Variants in DACH1 observed in about 807,000 individuals in gnomAD.
DACH1 encodes dachshund homolog 1.
DACH1 carries 12 observed loss-of-function variants against 54.2 expected under a neutral mutation model. The observed-to-expected ratio is 0.22, with a 90% CI of 0.14 to 0.36. DACH1 has a LOEUF of 0.36. Among genes scored for constraint, DACH1 ranks in the 10% least tolerant of loss-of-function variants. DACH1 has a pLI of 1.00. For synonymous variants in DACH1, 386 were observed against 366.2 expected (o/e 1.05, Z -0.62); for missense variants, 805 against 929.8 (o/e 0.87, Z 1.75).
intron 1 of DACH1, among the ~76,000 whole-genome samples, chr13:71,695,998 T>C (rs1456626218): frequency 6.6e-6 from 1 of 152,110 alleles, no homozygotes; most frequent in African/African-American, 2.4e-5. Flanking sequence ...ATTTAATAGG[T>C]TTTTATGAGG....
At chr13:71,670,189 ATAC>A (rs1566420499) in intron 2 of DACH1, among the ~76,000 whole-genome samples, 2 of 152,212 alleles carry the variant, frequency 1.3e-5, no homozygotes, top group African/African-American at 4.8e-5. Flanking sequence ...CCCATTAATT[ATAC>A]TGACTAATTC....
At chr13:71,630,743 G>T (rs74096978) in intron 2 of DACH1, 26 bp from the exon 3 acceptor site, 4 of 1,529,074 alleles carry the variant, frequency 2.6e-6, no homozygotes, top group Non-Finnish European at 2.6e-6. Flanking sequence ...TAAAAATGAG[G>T]TAATTCAAAT....
intron 1 of DACH1, among the ~76,000 whole-genome samples, chr13:71,722,322 C>G (rs1177502891): frequency 2.0e-5 from 3 of 152,146 alleles, no homozygotes; most frequent in Admixed American, 2.0e-4. Flanking sequence ...TTCTTTCCTT[C>G]TTTTAGAAAA....
chr13:71,703,466 T>C (rs1309077949), intron 1 of DACH1, among the ~76,000 whole-genome samples: 2 of 152,170 alleles, frequency 1.3e-5, no homozygotes, highest in Non-Finnish European at 2.9e-5. Context: ...TGATCAGCAG[T>C]CCTCAAATAT....
intron 1 of DACH1, among the ~76,000 whole-genome samples, chr13:71,725,059 GTGAAAC>G (rs1883408421): frequency 2.6e-5 from 4 of 151,906 alleles, no homozygotes; most frequent in Admixed American, 2.6e-4. Flanking sequence ...GCATATCTTA[GTGAAAC>G]TGAAACTGTA....
chr13:71,533,096 T>G (rs1434157157), intron 6 of DACH1, among the ~76,000 whole-genome samples: 1 of 146,106 alleles, frequency 6.8e-6, no homozygotes, highest in Non-Finnish European at 1.5e-5. Context: ...TTTTAAGACT[T>G]AAAAAAAAAA....
intron 1 of DACH1, among the ~76,000 whole-genome samples, chr13:71,825,851 A>G (rs1888357247): frequency 6.6e-6 from 1 of 152,112 alleles, no homozygotes; most frequent in Non-Finnish European, 1.5e-5. Flanking sequence ...GACAACTTGT[A>G]TTTATATTTC....
At position 71,576,763 on chromosome 13, in the gene DACH1, C is replaced by T. The variant is rs578253743; in HGVS notation, c.1127-3751G>A. On this transcript the variant is annotated intron_variant, in intron 3 of 10. Transcript: ENST00000613252. ...AGTATAATAAATCCACTCTAGTTAA[C>T]TGTCATCTCTGCTTCCCCATCCCCA... Among the ~76,000 whole-genome samples the T allele has an allele frequency of 5.9e-5, 9 of 152,272 alleles. No homozygotes were observed. In the South Asian group the frequency reaches 1.4e-3, roughly 25 times the overall value.
chr13:71,449,123 C>T (rs999872383), intron 10 of DACH1, among the ~76,000 whole-genome samples: 5 of 151,560 alleles, frequency 3.3e-5, no homozygotes, highest in Non-Finnish European at 5.9e-5. Flanking sequence ...GCAGATGGCC[C>T]GAGGTCAGGA....
Position 71,498,629 on chromosome 13 carries a change from A to C in DACH1, c.1571-9481T>G, listed in dbSNP as rs144203221. Among the ~76,000 whole-genome samples, 4 of 146,896 alleles carry C rather than the reference A, an allele frequency of 2.7e-5. No homozygotes were observed. In the East Asian group the frequency reaches 8.2e-4, roughly 30 times the overall value. ...TTAGAAAAAAGAAGAGATTCTGTTT[A>C]GATGATGTGAGTTGAAAGGGGAAAG... is the stretch of plus-strand genomic sequence containing the variant. On this transcript the variant is annotated intron_variant, in intron 6 of 10. Transcript: ENST00000613252.
chr13:71,448,115 C>G lies in DACH1; in HGVS notation c.2084-7423G>C, dbSNP rs117679444. On this transcript the variant is annotated intron_variant, in intron 10 of 10. Coordinates refer to ENST00000613252, the MANE Select transcript of DACH1 (RefSeq NM_080759.6). ...GAAGTAGCTTTATTAAACAGGTCAACTATTTGTTCAAAACTTATATCCAGG... is the reference window on the plus strand; with the variant it reads ...GAAGTAGCTTTATTAAACAGGTCAAGTATTTGTTCAAAACTTATATCCAGG... 1.3e-3 allele frequency among the ~76,000 whole-genome samples: 200 copies of G among 152,268 alleles called. 2 individuals carry two copies. In the East Asian group the frequency reaches 0.031, roughly 24 times the overall value.
At chr13:71,657,306 C>T (rs1269089636) in intron 2 of DACH1, among the ~76,000 whole-genome samples, 2 of 151,728 alleles carry the variant, frequency 1.3e-5, no homozygotes, top group East Asian at 1.9e-4. Context: ...AGCATTTAAA[C>T]ACAGTGTGAC....
intron 1 of DACH1, among the ~76,000 whole-genome samples, chr13:71,862,516 C>A (rs951421580): frequency 1.3e-5 from 2 of 152,048 alleles, no homozygotes; most frequent in African/African-American, 4.8e-5. Flanking sequence ...ACATTTCTTT[C>A]ATGTTTTGAG....
chr13:71,569,511 T>C (rs936661251), intron 4 of DACH1, among the ~76,000 whole-genome samples: 1 of 152,124 alleles, frequency 6.6e-6, no homozygotes, highest in African/African-American at 2.4e-5. Context: ...AAACCATTCT[T>C]AACTCACAGG....
rs1371553089 is a variant in DACH1, at chr13:71,779,267, ATATATACG to A, written c.848+86647_848+86654del. Among the ~76,000 whole-genome samples, 5 of 69,380 alleles carry A rather than the reference ATATATACG, an allele frequency of 7.2e-5. 1 individual carries two copies. Among genetic ancestry groups the A allele is most frequent in the South Asian group, 5.7e-4 (2 of 3,494 alleles). 45.5% of individuals were successfully genotyped at this position (69,380 alleles called of 152,430 possible). A position where few individuals can be genotyped will look rare whatever the true frequency, so the allele number is the denominator to read the frequency against. On this transcript the variant is annotated intron_variant, in intron 1 of 10. Transcript: ENST00000613252. ...TATACGTATATACGTATATATGTGT[ATATATACG>A]TATATACGTATATATACACATATAT...
chr13:71,576,868 TCTC>T (rs1158689791), intron 3 of DACH1, among the ~76,000 whole-genome samples: 1 of 152,078 alleles, frequency 6.6e-6, no homozygotes, highest in Non-Finnish European at 1.5e-5. Context: ...GTCTTCCTCT[TCTC>T]CTTCTTCTGG....
At chr13:71,761,804 C>T (rs117423553) in intron 1 of DACH1, among the ~76,000 whole-genome samples, 1,627 of 152,148 alleles carry the variant, frequency 0.011, 10 homozygotes, top group South Asian at 0.02. Flanking sequence ...ATAATAAAAT[C>T]AGGAGTAGGG....
intron 1 of DACH1, among the ~76,000 whole-genome samples, chr13:71,809,361 G>A (rs150201915): frequency 1.3e-5 from 2 of 152,134 alleles, no homozygotes; most frequent in African/African-American, 4.8e-5. Flanking sequence ...TGCAGAGACA[G>A]AGTCTCATCA....
chr13:71,551,368 A>T (rs957900865), intron 6 of DACH1, among the ~76,000 whole-genome samples: 1 of 152,128 alleles, frequency 6.6e-6, no homozygotes, highest in African/African-American at 2.4e-5. Flanking sequence ...ATTGCTGTAA[A>T]CTATAGTCAC....
Sources: gnomAD v4.1 joint callset for allele counts (sites outside exome capture counted in the v4.1 genomes callset) on GRCh38, gnomAD v4.1.1 for gene constraint, MANE v1.5 for transcripts, NCBI Gene and HGNC (gene_info 2026-07-23, HGNC 2026-07-21) for gene names.